PMEL: variants seen among roughly 807,000 people sequenced by gnomAD.
The protein encoded by PMEL is premelanosome protein, also known as melanocyte protein PMEL.
PMEL carries 53 observed loss-of-function variants against 64.9 expected under a neutral mutation model. The ratio of observed to expected loss-of-function variants is 0.82; its 90% confidence interval spans 0.66 to 1.03. PMEL has a LOEUF of 1.03. Among genes scored for constraint, PMEL ranks in the 50% least tolerant of loss-of-function variants. PMEL has a pLI of 0.00. For synonymous variants in PMEL, 299 were observed against 316.2 expected (o/e 0.95, Z 0.58); for missense variants, 716 against 814.9 (o/e 0.88, Z 1.48).
intron 1 of PMEL, among the ~76,000 whole-genome samples, chr12:55,962,790 C>G (rs910187215): frequency 2.6e-5 from 4 of 151,836 alleles, no homozygotes; most frequent in African/African-American, 9.7e-5. Flanking sequence ...TTCGGCCTCC[C>G]AAAGTGCTGG....
chr12:55,957,704 G>T, intron 5 of PMEL, 33 bp from the exon 6 acceptor site: 2 of 1,579,206 alleles, frequency 1.3e-6, no homozygotes, highest in Non-Finnish European at 1.7e-6. Flanking sequence ...TGAGAACCAG[G>T]CCTGAGCCAC....
Position 55,955,663 on chromosome 12 carries a change from G to A in PMEL, c.1563C>T (p.Pro521=), listed in dbSNP as rs1188324733. 3 of 1,612,286 alleles carry A rather than the reference G, an allele frequency of 1.9e-6. No homozygotes were observed. Among genetic ancestry groups the A allele is most frequent in the Admixed American group, 3.3e-5 (2 of 59,922 alleles). ...ATGAGATCTCCATGCAGGCTTCCTT[G>A]GGCAGCCTGGAAGAAGTGTCAGCAT... ...ELTVSCQGGL[P]KEACMEISSP... Residue 521 remains proline (P), a synonymous_variant, in exon 9 of 11, where the codon CCC becomes CCT. Transcript: ENST00000548747.
intron 1 of PMEL, among the ~76,000 whole-genome samples, chr12:55,962,082 T>C (rs113224271): frequency 0.038 from 5,846 of 152,086 alleles, 357 homozygotes; most frequent in African/African-American, 0.13. Context: ...GTGATCTGCC[T>C]GCTTTGGCCT....
rs758401960 is a variant in PMEL at position 55,957,084 on chromosome 12, T to C, written c.1219A>G (p.Ile407Val). The C allele has an allele frequency of 2.1e-5, 34 of 1,614,096 alleles. No individual in the cohort carries two copies. The highest frequency in any genetic ancestry group is 3.3e-5 in the South Asian group (3 of 91,082). Reference sequence around the variant, plus strand: ...GCTGTGGTTCCAGAAAGCACCACAATTGATACCTCTGCAGGTGTCATACCT... The same window carrying C: ...GCTGTGGTTCCAGAAAGCACCACAACTGATACCTCTGCAGGTGTCATACCT... ...ATGMTPAEVS[I>V]VVLSGTTAAQ... The change falls in exon 6 of 11, where the codon ATT becomes GTT. Residue 407 changes from isoleucine to valine, a missense_variant. Ile to Val is a conservative substitution (Grantham distance 29, BLOSUM62 3). Coordinates refer to ENST00000548747, the MANE Select transcript of PMEL (RefSeq NM_001384361.1).
At chr12:55,957,749 A>C in intron 5 of PMEL, 78 bp from the exon 6 acceptor site, 1 of 1,540,452 alleles carries the variant, frequency 6.5e-7, no homozygotes, top group Non-Finnish European at 8.7e-7. Context: ...CTCCAACTCC[A>C]AGCTGACTGG....
At position 55,955,650 on chromosome 12, in the gene PMEL, T is replaced by G. The variant is rs748810557; in HGVS notation, c.1576A>C (p.Met526Leu). 2.5e-6 allele frequency: 4 copies of G among 1,612,922 alleles called. No homozygotes were observed. In the African/African-American group the frequency reaches 4.0e-5, roughly 16 times the overall value. The stretch of plus-strand genomic sequence containing the variant: ...TGGCACCCTGGCGATGAGATCTCCA[T>G]GCAGGCTTCCTTGGGCAGCCTGGAA... ...CQGGLPKEAC[M>L]EISSPGCQPP... The change falls in exon 9 of 11, where the codon ATG becomes CTG. Residue 526 changes from methionine (M) to leucine (L), a missense_variant. Physicochemically the swap from Met to Leu is conservative, Grantham distance 15. Coordinates refer to ENST00000548747, the MANE Select transcript of PMEL (RefSeq NM_001384361.1).
At chr12:55,954,687 C>T (rs11830960) in intron 10 of PMEL, among the ~76,000 whole-genome samples, 6,795 of 152,200 alleles carry the variant, frequency 0.045, 497 homozygotes, top group African/African-American at 0.15. Context: ...AGGCAGATCA[C>T]GAGGTCAGGA....
At chr12:55,956,028 A>C in intron 7 of PMEL, 75 bp downstream of exon 7, 1 of 1,158,590 alleles carries the variant, frequency 8.6e-7, no homozygotes, top group Non-Finnish European at 1.3e-6. Context: ...AATTCCTCCC[A>C]AGGTGTGCTT....
In PMEL at chr12:55,958,015, C is replaced by T; in HGVS notation, c.539G>A (p.Gly180Asp). 6.2e-7 allele frequency: 1 copy of T among 1,614,180 alleles called. No individual in the cohort carries two copies. The highest frequency in any genetic ancestry group is 8.5e-7 in the Non-Finnish European group (1 of 1,180,022). Residue 180 changes from glycine (G) to aspartate (D), a missense_variant, in exon 5 of 11, where the codon GGC becomes GAC. Physicochemically the swap from Gly to Asp is moderately conservative, Grantham distance 94. Coordinates refer to ENST00000548747, the MANE Select transcript of PMEL (RefSeq NM_001384361.1). ...GACAGTCACTTCCATGGTGTGTGTG[C>T]CCAGCATTGCCCTGCCTGTCCCAAT... ...LSIGTGRAML[G>D]THTMEVTVYH...
chr12:55,954,397 C>G, intron 10 of PMEL, 48 bp from the exon 11 acceptor site: 1 of 1,602,278 alleles, frequency 6.2e-7, no homozygotes, highest in Non-Finnish European at 8.5e-7. Context: ...ACAAAGGTAG[C>G]TTGTCTGTGC....
chr12:55,955,098 TTC>T (rs1888806156), intron 10 of PMEL, among the ~76,000 whole-genome samples, 174 bp downstream of exon 10: 1 of 152,224 alleles, frequency 6.6e-6, no homozygotes, highest in Non-Finnish European at 1.5e-5. Context: ...GTTAAGCTAC[TTC>T]CCCCAGGTCC....
chr12:55,963,619 G>A (rs1313656888), intron 1 of PMEL, among the ~76,000 whole-genome samples: 1 of 152,084 alleles, frequency 6.6e-6, no homozygotes, highest in Admixed American at 6.5e-5. Context: ...CAAAATATAA[G>A]TACAGTCTTT....
chr12:55,954,214 T>G lies in PMEL; in HGVS notation c.1986A>C (p.Ter662CysextTer?). Residue 662 changes from the stop codon to cysteine, a stop_lost, in exon 11 of 11, where the codon TGA becomes TGC. Transcript: ENST00000548747. ...AAATCACAGCATCATATGAGAGTAC[T>G]CAGACCTGCTGCCCACTGAGGAGGG... ...NSPLLSGQQV[*>C] 6.2e-7 allele frequency: 1 copy of G among 1,609,648 alleles called. No individual in the cohort carries two copies. Among genetic ancestry groups the G allele is most frequent in the Non-Finnish European group, 8.5e-7 (1 of 1,178,294 alleles).
chr12:55,965,200 TAC>T (rs1889248092), intron 1 of PMEL, among the ~76,000 whole-genome samples: 1 of 152,220 alleles, frequency 6.6e-6, no homozygotes, highest in Non-Finnish European at 1.5e-5. Flanking sequence ...GTGCTGGGAT[TAC>T]AGGCGTGAGC....
chr12:55,954,914 A>C (rs1565772187), intron 10 of PMEL, among the ~76,000 whole-genome samples: 1 of 152,176 alleles, frequency 6.6e-6, no homozygotes, highest in Non-Finnish European at 1.5e-5. Context: ...CAAAAAAAAA[A>C]AGAAAACTCA....
chr12:55,962,428 G>A lies in PMEL; in HGVS notation c.77-696C>T, dbSNP rs1287237336. Among the ~76,000 whole-genome samples the A allele has an allele frequency of 8.7e-5, 9 of 103,046 alleles. No individual in the cohort carries two copies. In the East Asian group the frequency reaches 2.6e-3, roughly 30 times the overall value. 67.6% of individuals were successfully genotyped at this position (103,046 alleles called of 152,430 possible). On this transcript the variant is annotated intron_variant, in intron 1 of 10. Transcript: ENST00000548747. ...ATTGCACCAGTGTACTCCAGCTGGC[G>A]ATAGAGTAAGACTCCATCTCAAAAA...
intron 3 of PMEL, 83 bp from the exon 4 acceptor site, chr12:55,958,690 CAG>C (rs1400613208): frequency 5.2e-6 from 7 of 1,350,486 alleles, no homozygotes; most frequent in Non-Finnish European, 7.2e-6. Flanking sequence ...CCCAGGGTAT[CAG>C]AGAGGGGCTC....
At chr12:55,965,094 A>G (rs1401578975) in intron 1 of PMEL, among the ~76,000 whole-genome samples, 2 of 150,842 alleles carry the variant, frequency 1.3e-5, no homozygotes, top group Non-Finnish European at 2.9e-5. Context: ...TGCCCAGCTA[A>G]TTTTTGTACT....
intron 1 of PMEL, 135 bp from the exon 2 acceptor site, chr12:55,961,867 G>A (rs898075016): frequency 2.4e-5 from 14 of 587,058 alleles, no homozygotes; most frequent in African/African-American, 4.2e-5. Context: ...ATGGAGTTTC[G>A]CTCTTGTTGC....
Sources: allele counts gnomAD v4.1 joint callset (sites outside exome capture counted in the v4.1 genomes callset), GRCh38; gene constraint gnomAD v4.1.1; transcripts MANE v1.5; gene names NCBI Gene and HGNC (gene_info 2026-07-23, HGNC 2026-07-21).